The following NUB1 variants were observed in gnomAD, a reference collection of about 807,000 sequenced individuals.
NUB1 encodes the protein negative regulator of ubiquitin like proteins 1, also known as NEDD8 ultimate buster 1.
Under a neutral mutation model 77.1 loss-of-function variants are expected in NUB1, and 41 were observed. The ratio of observed to expected loss-of-function variants is 0.53; its 90% CI spans 0.41 to 0.69. The LOEUF (loss-of-function observed/expected upper bound fraction) is 0.69, where lower values mean the gene tolerates loss of function less well. Ranked by LOEUF, NUB1 falls within the 30% of genes least tolerant of loss-of-function variation. The pLI is 0.00. For synonymous variants in NUB1, 257 were observed against 281.0 expected, an observed-to-expected ratio of 0.91 and a Z score of 0.85; for missense variants, 643 against 743.8, an observed-to-expected ratio of 0.86 and a Z score of 1.58.
chr7:151,369,640 A>G (rs1388850803), intron 11 of NUB1, among the ~76,000 whole-genome samples: 1 of 152,192 alleles, frequency 6.6e-6, no homozygotes, highest in Non-Finnish European at 1.5e-5. Flanking sequence ...TCTATCCAAT[A>G]TGTTCTGCAG....
intron 2 of NUB1, among the ~76,000 whole-genome samples, chr7:151,348,569 C>CTTT (rs59781719): frequency 0.32 from 22,441 of 69,148 alleles, 5,591 homozygotes; most frequent in Non-Finnish European, 0.38. Flanking sequence ...TTGCTTTTTG[C>CTTT]TTTTTTTTTT....
chr7:151,364,442 CA>C (rs1276576514), intron 8 of NUB1, among the ~76,000 whole-genome samples: 52 of 119,820 alleles, frequency 4.3e-4, no homozygotes, highest in Non-Finnish European at 5.7e-4. Flanking sequence ...CAAAAAAAAA[CA>C]AAAAAAAAAA....
intron 6 of NUB1, 34 bp from the exon 7 acceptor site, chr7:151,356,094 T>G: frequency 6.3e-7 from 1 of 1,582,582 alleles, no homozygotes; most frequent in East Asian, 2.2e-5. Context: ...TGTTTAACAT[T>G]GAGTTCATGG....
chr7:151,346,886 G>A (rs1019266375), intron 2 of NUB1, among the ~76,000 whole-genome samples: 13 of 152,320 alleles, frequency 8.5e-5, no homozygotes, highest in African/African-American at 3.1e-4. Flanking sequence ...TCAGACAAAA[G>A]TATGGGTAAC....
At chr7:151,361,236 T>G (rs1311919570) in intron 8 of NUB1, 1 of 152,266 alleles carries the variant, frequency 6.6e-6, no homozygotes, top group Non-Finnish European at 1.5e-5. Context: ...GTTGCTTCAC[T>G]ATCACCCTCC....
rs1350671600 is a variant in NUB1, at chr7:151,377,501, G to A, written c.*276G>A. 4.0e-6 allele frequency: 1 copy of A among 250,582 alleles called. No individual in the cohort carries two copies. The highest frequency in any genetic ancestry group is 7.7e-6 in the Non-Finnish European group (1 of 130,476). The allele number at this position is 250,582 out of a possible 1,614,324, so 15.5% of individuals were successfully genotyped here. Reference sequence around the variant, plus strand: ...AGCTTGGTGTTTTACCCCGAAACAGGAAGGAACAGGGGTCCTGTAGAACAG... The same window carrying A: ...AGCTTGGTGTTTTACCCCGAAACAGAAAGGAACAGGGGTCCTGTAGAACAG... On this transcript the variant is annotated 3_prime_UTR_variant, in exon 15 of 15. Transcript: ENST00000568733.
Position 151,374,259 on chromosome 7 carries a change from G to A in NUB1, c.1395+16G>A, listed in dbSNP as rs1237984060. 5.8e-6 allele frequency: 9 copies of A among 1,551,230 alleles called. No homozygotes were observed. Among genetic ancestry groups the A allele is most frequent in the Middle Eastern group, 1.7e-4 (1 of 6,016 alleles). On this transcript the variant is annotated intron_variant, in intron 12 of 14. Coordinates refer to ENST00000568733, the MANE Select transcript of NUB1 (RefSeq NM_001243351.2). ...GGCCCTGAAGGTAGCAGCTCCCTCG[G>A]GGCCTCTGGCCTTGTCCCTGAGCAG... is the stretch of plus-strand genomic sequence containing the variant.
chr7:151,368,165 A>G (rs1284123819), intron 10 of NUB1, among the ~76,000 whole-genome samples, 197 bp downstream of exon 10: 1 of 152,234 alleles, frequency 6.6e-6, no homozygotes, highest in South Asian at 2.1e-4. Context: ...TCAAAAAGAC[A>G]GTGACTTTAA....
In NUB1 at chr7:151,355,876, A is replaced by G. The variant is rs1285244552; in HGVS notation, c.524A>G (p.Glu175Gly). ...ARKNFQLEEEEQNEAKLKEKQ... is the reference protein window; with the variant it reads ...ARKNFQLEEEGQNEAKLKEKQ... ...AAAAACTTCCAGTTAGAGGAAGAGGAGCAAAATGAGGCCAAACTCAAAGAA... is the reference window on the plus strand; with the variant it reads ...AAAAACTTCCAGTTAGAGGAAGAGGGGCAAAATGAGGCCAAACTCAAAGAA... Residue 175 changes from glutamate (E) to glycine (G), a missense_variant, in exon 6 of 15, where the codon GAG (glutamate) becomes GGG (glycine). Transcript: ENST00000568733. 1 of 1,613,822 alleles carries G rather than the reference A, an allele frequency of 6.2e-7. No individual in the cohort carries two copies. Among genetic ancestry groups the G allele is most frequent in the Admixed American group, 1.7e-5 (1 of 60,000 alleles).
At chr7:151,347,200 C>T (rs1328952738) in intron 2 of NUB1, among the ~76,000 whole-genome samples, 1 of 151,862 alleles carries the variant, frequency 6.6e-6, no homozygotes, top group Non-Finnish European at 1.5e-5. Flanking sequence ...TGTTAAACAT[C>T]GTTAACATAG....
At chr7:151,374,775 T>A (rs561364240) in intron 12 of NUB1, among the ~76,000 whole-genome samples, 1 of 152,134 alleles carries the variant, frequency 6.6e-6, no homozygotes, top group Admixed American at 6.6e-5. Context: ...GCATATCGAA[T>A]CCTCAGTAGG....
chr7:151,376,137 A>C (rs1798223122), intron 13 of NUB1, 194 bp downstream of exon 13: 2 of 554,530 alleles, frequency 3.6e-6, no homozygotes, highest in Non-Finnish European at 6.5e-6. Flanking sequence ...CTTGGAAAGC[A>C]GGAAAACTGG....
At position 151,360,260 on chromosome 7, in the gene NUB1, G is replaced by T; in HGVS notation, c.800+13G>T. The T allele has an allele frequency of 1.4e-6, 2 of 1,454,284 alleles. No homozygotes were observed. The highest frequency in any genetic ancestry group is 1.9e-6 in the Non-Finnish European group (2 of 1,035,236). The allele number at this position is 1,454,284 out of a possible 1,614,324, so 90.1% of individuals were successfully genotyped here. A position where few individuals can be genotyped will look rare whatever the true frequency, so the allele number is the denominator to read the frequency against. On this transcript the variant is annotated intron_variant, in intron 8 of 14. Coordinates refer to ENST00000568733, the MANE Select transcript of NUB1 (RefSeq NM_001243351.2). ...ACAAATATTTCTGGTAGGCGCTTTT[G>T]TACTTGGTGAACACCAGCTTTAAGG... is the stretch of plus-strand genomic sequence containing the variant.
intron 13 of NUB1, 64 bp downstream of exon 13, chr7:151,376,007 C>T (rs731995): frequency 0.1 from 102,572 of 1,028,324 alleles, 7,780 homozygotes; most frequent in East Asian, 0.3. Flanking sequence ...TGGGGTAACC[C>T]GGGTGAATCA....
chr7:151,344,859 G>A (rs746469984), intron 1 of NUB1, among the ~76,000 whole-genome samples: 1 of 152,030 alleles, frequency 6.6e-6, no homozygotes, highest in Non-Finnish European at 1.5e-5. Flanking sequence ...AATTAGCCGG[G>A]CGTGGTGGCG....
At chr7:151,369,931 G>A (rs1298180060) in intron 11 of NUB1, among the ~76,000 whole-genome samples, 1 of 152,178 alleles carries the variant, frequency 6.6e-6, no homozygotes, top group Non-Finnish European at 1.5e-5. Context: ...CAGAGAGGGA[G>A]TGGATTCGTG....
At chr7:151,361,812 G>C (rs951721288) in intron 8 of NUB1, among the ~76,000 whole-genome samples, 2 of 152,178 alleles carry the variant, frequency 1.3e-5, no homozygotes, top group Admixed American at 1.3e-4. Context: ...TGTGCTTCTG[G>C]GGTCTCTGTC....
intron 11 of NUB1, 29 bp downstream of exon 11, chr7:151,368,916 T>C (rs776335624): frequency 2.5e-6 from 4 of 1,577,534 alleles, no homozygotes; most frequent in South Asian, 1.2e-5. Flanking sequence ...CCTAGCTCTC[T>C]TGGGTATGAA....
At position 151,376,744 on chromosome 7, in the gene NUB1, T is replaced by C. The variant is rs765929736; in HGVS notation, c.1602T>C (p.Pro534=). The part of the protein sequence containing the change: ...QTLAHNGGSL[P]PELPLSPEDS... ...TTGCTCACAACGGAGGAAGCCTGCC[T>C]CCCGAGCTGCCGCTGTCGCCAGAAG... Residue 534 remains proline, a synonymous_variant, in exon 14 of 15, where the codon CCT becomes CCC. Transcript: ENST00000568733. 1 of 1,599,448 alleles carries C rather than the reference T, an allele frequency of 6.3e-7. No homozygotes were observed. Among genetic ancestry groups the C allele is most frequent in the South Asian group, 1.1e-5 (1 of 89,110 alleles).
Sources: gnomAD v4.1 joint callset for allele counts (sites outside exome capture counted in the v4.1 genomes callset) on GRCh38, gnomAD v4.1.1 for gene constraint, MANE v1.5 for transcripts, NCBI Gene and HGNC (gene_info 2026-07-23, HGNC 2026-07-21) for gene names.